The following NSG2 variants were observed in gnomAD, a reference collection of about 807,000 sequenced individuals.
NSG2 encodes the protein neuronal vesicle trafficking-associated protein 2.
A neutral mutation model predicts 16.9 loss-of-function variants in NSG2; 4 were observed. That is an observed-to-expected ratio of 0.24 (90% confidence interval 0.12 to 0.54). NSG2 has a LOEUF of 0.54. Among genes scored for constraint, NSG2 ranks in the 20% least tolerant of loss-of-function variants. The pLI, the probability that NSG2 is intolerant of heterozygous loss-of-function variation, is 0.95. For synonymous variants in NSG2, 98 were observed against 88.7 expected (o/e 1.11, Z -0.59); for missense variants, 179 against 221.1 (o/e 0.81, Z 1.21).
chr5:174,068,961 T>C (rs1440534557), intron 3 of NSG2, among the ~76,000 whole-genome samples: 1 of 151,490 alleles, frequency 6.6e-6, no homozygotes, highest in Non-Finnish European at 1.5e-5. Context: ...TGGAAGGTGC[T>C]AGTACTATGG....
At chr5:174,057,185 C>T (rs1308113759) in intron 2 of NSG2, among the ~76,000 whole-genome samples, 1 of 152,196 alleles carries the variant, frequency 6.6e-6, no homozygotes, top group Non-Finnish European at 1.5e-5. Flanking sequence ...TTTTGCCCCT[C>T]CCCTCTCTAC....
intron 3 of NSG2, among the ~76,000 whole-genome samples, chr5:174,067,050 A>C (rs528065513): frequency 1.9e-4 from 29 of 151,728 alleles, no homozygotes; most frequent in African/African-American, 7.0e-4. Context: ...TAATTTGGGC[A>C]AATACTTAAA....
intron 4 of NSG2, among the ~76,000 whole-genome samples, chr5:174,105,439 G>C (rs756490307): frequency 1.8e-4 from 27 of 152,066 alleles, no homozygotes; most frequent in Non-Finnish European, 3.8e-4. Flanking sequence ...CAAAAGTCTT[G>C]GCTCCTAACA....
chr5:174,053,365 C>G (rs921930541), intron 2 of NSG2, among the ~76,000 whole-genome samples: 1 of 151,880 alleles, frequency 6.6e-6, no homozygotes, highest in Non-Finnish European at 1.5e-5. Flanking sequence ...AGAATTGGAG[C>G]ATGCTGAGAA....
intron 3 of NSG2, among the ~76,000 whole-genome samples, chr5:174,067,072 G>C (rs552943303): frequency 6.6e-6 from 1 of 151,212 alleles, no homozygotes; most frequent in South Asian, 2.1e-4. Context: ...AGAGAATGTT[G>C]AGTGAGTAAA....
At chr5:174,100,916 GTC>G (rs1382791236) in intron 3 of NSG2, among the ~76,000 whole-genome samples, 1 of 152,248 alleles carries the variant, frequency 6.6e-6, no homozygotes, top group African/African-American at 2.4e-5. Flanking sequence ...CAGCTCCTGA[GTC>G]TCTCAAGAGG....
At chr5:174,064,181 GAAAATGTTTC>G (rs1447237203) in intron 2 of NSG2, 41 bp from the exon 3 acceptor site, 2 of 1,299,938 alleles carry the variant, frequency 1.5e-6, no homozygotes, top group Non-Finnish European at 2.1e-6. Context: ...AAAAAGAAAG[GAAAATGTTTC>G]AAGTCTCCAT....
chr5:174,046,925 C>A, intron 2 of NSG2, 41 bp downstream of exon 2: 1 of 1,601,102 alleles, frequency 6.2e-7, no homozygotes, highest in Non-Finnish European at 8.5e-7. Flanking sequence ...CCCAGGCTCC[C>A]CCCATCTCAG....
intron 2 of NSG2, among the ~76,000 whole-genome samples, chr5:174,061,458 G>T (rs17076801): frequency 6.6e-6 from 1 of 152,136 alleles, no homozygotes; most frequent in Non-Finnish European, 1.5e-5. Flanking sequence ...TCTCGTATTC[G>T]CATTGCAGTT....
chr5:174,064,452 C>A, intron 3 of NSG2, 137 bp downstream of exon 3: 2 of 536,218 alleles, frequency 3.7e-6, no homozygotes, highest in South Asian at 7.0e-5. Context: ...TTCTTGAAGC[C>A]ATACAGTCTG....
intron 3 of NSG2, among the ~76,000 whole-genome samples, chr5:174,089,286 C>T (rs1760684120): frequency 6.6e-6 from 1 of 152,206 alleles, no homozygotes. Context: ...AATGAATTTA[C>T]AGATTCCTGT....
chr5:174,080,525 T>TC (rs1760435711), intron 3 of NSG2, among the ~76,000 whole-genome samples: 25 of 125,288 alleles, frequency 2.0e-4, no homozygotes, highest in East Asian at 1.1e-3. Flanking sequence ...CTTTCTTTCT[T>TC]TCTCTCTCTC....
In NSG2 at chr5:174,084,338, T is replaced by G. The variant is rs1760556536; in HGVS notation, c.214-19890T>G. Among the ~76,000 whole-genome samples the G allele has an allele frequency of 3.3e-5, 5 of 152,288 alleles. No individual in the cohort carries two copies. In the South Asian group the frequency reaches 1.0e-3, roughly 32 times the overall value. ...TAAAGATAAGATGAGCGAAACAAGT[T>G]AGGTGGCATTTTATACTTAGCATAG... On this transcript the variant is annotated intron_variant, in intron 3 of 4. Transcript: ENST00000303177.
chr5:174,049,986 C>G (rs1759863276), intron 2 of NSG2, among the ~76,000 whole-genome samples: 1 of 152,196 alleles, frequency 6.6e-6, no homozygotes, highest in Non-Finnish European at 1.5e-5. Context: ...CACTCCAACT[C>G]TTACCAGCCT....
intron 2 of NSG2, among the ~76,000 whole-genome samples, chr5:174,060,818 G>A (rs1046651316): frequency 6.6e-6 from 1 of 152,186 alleles, no homozygotes; most frequent in East Asian, 1.9e-4. Flanking sequence ...TCAGGTACTA[G>A]CTGCATGGCT....
chr5:174,052,381 C>A (rs953929271), intron 2 of NSG2, among the ~76,000 whole-genome samples: 1 of 151,942 alleles, frequency 6.6e-6, no homozygotes, highest in Non-Finnish European at 1.5e-5. Context: ...TCCATTTGCC[C>A]ACTAGACCTG....
At chr5:174,067,611 G>A (rs1285317319) in intron 3 of NSG2, among the ~76,000 whole-genome samples, 1 of 152,270 alleles carries the variant, frequency 6.6e-6, no homozygotes, top group African/African-American at 2.4e-5. Context: ...TTATGCTTAT[G>A]TAAAGCTGCA....
chr5:174,085,443 A>C (rs1760593014), intron 3 of NSG2, among the ~76,000 whole-genome samples: 1 of 152,224 alleles, frequency 6.6e-6, no homozygotes, highest in Non-Finnish European at 1.5e-5. Flanking sequence ...GTCTCTGAAC[A>C]GCCAAAACTA....
chr5:174,052,284 T>C (rs1015726483), intron 2 of NSG2, among the ~76,000 whole-genome samples: 1 of 151,506 alleles, frequency 6.6e-6, no homozygotes. Flanking sequence ...GAGGAGAGGG[T>C]AGTGGGGCAG....
Sources: gnomAD v4.1 joint callset for allele counts (sites outside exome capture counted in the v4.1 genomes callset) on GRCh38, gnomAD v4.1.1 for gene constraint, MANE v1.5 for transcripts, NCBI Gene and HGNC (gene_info 2026-07-23, HGNC 2026-07-21) for gene names.